GPR135: variants seen among roughly 807,000 people sequenced by gnomAD.
GPR135 encodes the protein G protein-coupled receptor 135, also known as G-protein coupled receptor 135.
Under a neutral mutation model 15.0 loss-of-function variants are expected in GPR135, and 17 were observed. That is an observed-to-expected ratio of 1.13 (90% CI 0.78 to 1.70). The LOEUF (loss-of-function observed/expected upper bound fraction) is 1.70. GPR135 is among the 40% of genes most tolerant of loss of function. The probability of loss-of-function intolerance (pLI) is 0.00; values close to 1 mark genes in which losing one functional copy is unlikely to be tolerated. For missense variants in GPR135, 776 were observed against 727.0 expected (o/e 1.07, Z -0.78); for synonymous variants, 368 against 349.4 (o/e 1.05, Z -0.59).
rs771776822 is a variant in GPR135, at chr14:59,464,403, G to T, written c.824C>A (p.Ala275Glu). The T allele has an allele frequency of 1.3e-6, 2 of 1,595,098 alleles. No homozygotes were observed. Among genetic ancestry groups the T allele is most frequent in the Non-Finnish European group, 1.7e-6 (2 of 1,172,026 alleles). Residue 275 changes from alanine to glutamate, a missense_variant, in exon 1 of 1, where the codon GCG becomes GAG. By Grantham distance (107) the Ala-to-Glu change is moderately radical. Coordinates refer to ENST00000395116, the MANE Select transcript of GPR135 (RefSeq NM_022571.6). Reference protein sequence around the residue: ...RTSPDPAQLGAAFSVGLVVAC... With the variant: ...RTSPDPAQLGEAFSVGLVVAC... ...CACCACCAGCCCCACGCTGAAGGCC[G>T]CGCCCAGCTGCGCGGGGTCCGGGGA...
chr14:59,455,407 C>A, intron 6 of GPR135, among the ~76,000 whole-genome samples: 1 of 152,196 alleles, frequency 6.6e-6, no homozygotes, highest in Non-Finnish European at 1.5e-5. Flanking sequence ...TCATTTTACA[C>A]TGAGACCTAG....
At position 59,462,706 on chromosome 14, in the gene GPR135, C is replaced by A. The variant is rs117351168; in HGVS notation, c.*1036G>T. On this transcript the variant is annotated 3_prime_UTR_variant, in exon 1 of 1. Transcript: ENST00000395116. ...TAGTTTTAGAATTTCTCTTTGGAAT[C>A]GTTTTCAGTTAGCTAAAAGCCACGT... 6.6e-6 allele frequency: 1 copy of A among 152,138 alleles called. No homozygotes were observed. Among genetic ancestry groups the A allele is most frequent in the East Asian group, 1.9e-4 (1 of 5,200 alleles). 9.4% of individuals were successfully genotyped at this position (152,138 alleles called of 1,614,324 possible). A position where few individuals can be genotyped will look rare whatever the true frequency, so the allele number is the denominator to read the frequency against.
chr14:59,459,708 A>G (rs761623476), downstream of GPR135, among the ~76,000 whole-genome samples: 2 of 152,240 alleles, frequency 1.3e-5, no homozygotes, highest in Non-Finnish European at 2.9e-5. Context: ...AAGTACAGGC[A>G]ATTCTTTTGA....
In GPR135 at chr14:59,465,098, G is replaced by A. The variant is rs938840006; in HGVS notation, c.129C>T (p.Ser43=). ...TSSAATAAVL[S]FSTVATAALG... ...GCGCCGCGGTCGCCACGGTGCTGAAGGAGAGCACGGCCGCCGTGGCCGCGG... is the reference window on the plus strand; with the variant it reads ...GCGCCGCGGTCGCCACGGTGCTGAAAGAGAGCACGGCCGCCGTGGCCGCGG... The change falls in exon 1 of 1, where the codon TCC becomes TCT. Residue 43 remains serine (S), a synonymous_variant. Transcript: ENST00000395116. The A allele has an allele frequency of 6.0e-5, 83 of 1,387,118 alleles. No individual in the cohort carries two copies. Among genetic ancestry groups the A allele is most frequent in the Non-Finnish European group, 7.4e-5 (79 of 1,070,396 alleles). The allele number at this position is 1,387,118 out of a possible 1,614,324, so 85.9% of individuals were successfully genotyped here.
In GPR135 at chr14:59,465,128, A is replaced by G; in HGVS notation, c.99T>C (p.Thr33=). 1.5e-6 allele frequency: 2 copies of G among 1,376,666 alleles called. No individual in the cohort carries two copies. Among genetic ancestry groups the G allele is most frequent in the Non-Finnish European group, 1.9e-6 (2 of 1,064,208 alleles). 85.3% of individuals were successfully genotyped at this position (1,376,666 alleles called of 1,614,324 possible). The change falls in exon 1 of 1, where the codon ACT becomes ACC. Residue 33 remains threonine, a synonymous_variant. Transcript: ENST00000395116. ...APSAAGPPGG[T]SSAATAAVLS... ...GCACGGCCGCCGTGGCCGCGGAGGA[A>G]GTCCCGCCAGGTGGGCCGGCCGCGG... is the stretch of plus-strand genomic sequence containing the variant.
chr14:59,456,104 C>T (rs1888644215), downstream of GPR135, among the ~76,000 whole-genome samples: 1 of 152,132 alleles, frequency 6.6e-6, no homozygotes, highest in Non-Finnish European at 1.5e-5. Context: ...ATCTTGCAAA[C>T]ATATGTCAAT....
In GPR135 at chr14:59,464,247, A is replaced by G; in HGVS notation, c.980T>C (p.Val327Ala). 1 of 1,611,798 alleles carries G rather than the reference A, an allele frequency of 6.2e-7. No homozygotes were observed. Among genetic ancestry groups the G allele is most frequent in the Non-Finnish European group, 8.5e-7 (1 of 1,179,894 alleles). Residue 327 changes from valine (V) to alanine (A), a missense_variant, in exon 1 of 1, where the codon GTG becomes GCG. Val to Ala is a moderately conservative substitution (Grantham distance 64, BLOSUM62 0). Transcript: ENST00000395116. ...GATGAGGACGGTGGTGGCCGTGCGC[A>G]CCTCGCTGAAGAAGCGCAGCACGCG... Reference protein sequence around the residue: ...YARVLRFFSEVRTATTVLIMI... With the variant: ...YARVLRFFSEARTATTVLIMI...
chr14:59,464,802 ATGAAGGCGTTGG>A lies in GPR135; in HGVS notation c.413_424del (p.Thr138_Phe141del). Reference sequence around the variant, plus strand: ...CAGATCCGATAGGGACAGCGACAGGATGAAGGCGTTGGTGACGGTGCGGAGCTGCCGGTGCTT... The same window carrying A: ...CAGATCCGATAGGGACAGCGACAGGATGACGGTGCGGAGCTGCCGGTGCTT... On this transcript the variant is annotated inframe_deletion, in exon 1 of 1. Coordinates refer to ENST00000395116, the MANE Select transcript of GPR135 (RefSeq NM_022571.6). 6.3e-7 allele frequency: 1 copy of A among 1,580,094 alleles called. No individual in the cohort carries two copies. Among genetic ancestry groups the A allele is most frequent in the Non-Finnish European group, 8.6e-7 (1 of 1,162,742 alleles).
rs1247438747 is a variant in GPR135, at chr14:59,463,966, C to G, written c.1261G>C (p.Gly421Arg). ...VDAFLPSQGP[G>R]LQARSRSRLR... is the part of the protein sequence containing the mutation. Reference sequence around the variant, plus strand: ...CGACTGCGGCTTCTGGCTTGCAGACCCGGGCCCTGGCTGGGCAGGAAAGCG... The same window carrying G: ...CGACTGCGGCTTCTGGCTTGCAGACGCGGGCCCTGGCTGGGCAGGAAAGCG... The change falls in exon 1 of 1, where the codon GGT (glycine) becomes CGT (arginine). Residue 421 changes from glycine to arginine, a missense_variant. Gly to Arg is a moderately radical substitution (Grantham distance 125). Transcript: ENST00000395116. 2.5e-6 allele frequency: 4 copies of G among 1,613,924 alleles called. No homozygotes were observed. The highest frequency in any genetic ancestry group is 3.4e-6 in the Non-Finnish European group (4 of 1,180,038).
At position 59,464,755 on chromosome 14, in the gene GPR135, G is replaced by T. The variant is rs1447639329; in HGVS notation, c.472C>A (p.Pro158Thr). 1 of 1,567,258 alleles carries T rather than the reference G, an allele frequency of 6.4e-7. No homozygotes were observed. The change falls in exon 1 of 1, where the codon CCC becomes ACC. Residue 158 changes from proline (P) to threonine (T), a missense_variant. Pro to Thr is a conservative substitution (Grantham distance 38). Transcript: ENST00000395116. ...GTGAAGAGGTCCAGGAAGGCGGCGG[G>T]CAGGCAGAGCAGCGCCGTGAGCAGA... Reference protein sequence around the residue: ...SDLLTALLCLPAAFLDLFTPP... With the variant: ...SDLLTALLCLTAAFLDLFTPP...
At chr14:59,453,275 A>G (rs1052429725) in intron 6 of GPR135, among the ~76,000 whole-genome samples, 3 of 152,192 alleles carry the variant, frequency 2.0e-5, no homozygotes, top group African/African-American at 7.2e-5. Context: ...GATTATAACA[A>G]ATGTACCTCT....
At chr14:59,453,410 C>G (rs1253127) in intron 6 of GPR135, among the ~76,000 whole-genome samples, 3,203 of 152,172 alleles carry the variant, frequency 0.021, 114 homozygotes, top group African/African-American at 0.073. Flanking sequence ...ATAAAGCCTA[C>G]TAAAAAAAAG....
At chr14:59,456,434 T>C (rs1206580256), downstream of GPR135, 1 of 152,230 alleles carries the variant, frequency 6.6e-6, no homozygotes, top group Non-Finnish European at 1.5e-5. Context: ...AATTCATGAC[T>C]TACCATTGGT....
At chr14:59,459,094 C>T (rs1255890719), downstream of GPR135, 3 of 152,134 alleles carry the variant, frequency 2.0e-5, no homozygotes, top group African/African-American at 7.2e-5. Context: ...AATGTTTCTG[C>T]ATTTTCTATA....
Position 59,464,059 on chromosome 14 carries a change from G to A in GPR135, c.1168C>T (p.Arg390Cys). 1 of 1,613,474 alleles carries A rather than the reference G, an allele frequency of 6.2e-7. No homozygotes were observed. Among genetic ancestry groups the A allele is most frequent in the Non-Finnish European group, 8.5e-7 (1 of 1,180,030 alleles). The change falls in exon 1 of 1, where the codon CGC (arginine) becomes TGC (cysteine). Residue 390 changes from arginine (R) to cysteine (C), a missense_variant. By Grantham distance (180) the Arg-to-Cys change is radical. Transcript: ENST00000395116. ...AGGAGCATCGAAATGTTGGGATTGC[G>A]GATGGCGTAGATGACAGGGTTGATG... is the stretch of plus-strand genomic sequence containing the variant. ...GAINPVIYAIRNPNISMLLGR... is the reference protein window; with the variant it reads ...GAINPVIYAICNPNISMLLGR...
rs931754586 is a variant in GPR135 at position 59,464,996 on chromosome 14, T to C, written c.231A>G (p.Ala77=). Residue 77 remains alanine, a synonymous_variant, in exon 1 of 1, where the codon GCA becomes GCG. Transcript: ENST00000395116. ...PGGGGLGGSG[A]AREAGAAVRR... ...TCACCGCCGCCCCCGCCTCCCGCGC[T>C]GCCCCGGACCCGCCAAGGCCGCCGC... 5 of 1,398,532 alleles carry C rather than the reference T, an allele frequency of 3.6e-6. No homozygotes were observed. Among genetic ancestry groups the C allele is most frequent in the Non-Finnish European group, 4.6e-6 (5 of 1,082,570 alleles). The allele number at this position is 1,398,532 out of a possible 1,614,324, so 86.6% of individuals were successfully genotyped here.
Position 59,464,736 on chromosome 14 carries a change from A to T in GPR135, c.491T>A (p.Leu164His). 6.4e-7 allele frequency: 1 copy of T among 1,566,070 alleles called. No individual in the cohort carries two copies. Among genetic ancestry groups the T allele is most frequent in the Non-Finnish European group, 8.6e-7 (1 of 1,156,458 alleles). Residue 164 changes from leucine (L) to histidine (H), a missense_variant, in exon 1 of 1, where the codon CTC becomes CAC. Transcript: ENST00000395116. ...LLCLPAAFLD[L>H]FTPPGGSAPA... ...CGCCGAACCCCCGGGCGGAGTGAAG[A>T]GGTCCAGGAAGGCGGCGGGCAGGCA...
Position 59,464,683 on chromosome 14 carries a change from CG to C in GPR135, c.543del (p.Gly182AlafsTer54). 8.9e-6 allele frequency: 14 copies of C among 1,581,424 alleles called. No homozygotes were observed. Among genetic ancestry groups the C allele is most frequent in the Non-Finnish European group, 1.2e-5 (14 of 1,169,138 alleles). On this transcript the variant is annotated frameshift_variant, in exon 1 of 1. Coordinates refer to ENST00000395116, the MANE Select transcript of GPR135 (RefSeq NM_022571.6). LOFTEE classifies it high-confidence loss of function. ...SAPAAAAGPW[R>X]GFCAASRFFS... The stretch of plus-strand genomic sequence containing the variant: ...AAGAAGCGGCTGGCGGCGCAGAAGC[CG>C]CGCCAGGGCCCCGCGGCGGCGGCAG...
rs375515475 is a variant in GPR135 at position 59,463,917 on chromosome 14, C to T, written c.1310G>A (p.Arg437Gln). ...GGACATCCTGTTGCAGGCCCCCAGC[C>T]GGTTGGCATAGCGGTTTCGAAGGCG... ...RSRLRNRYAN[R>Q]LGACNRMSSS... Residue 437 changes from arginine to glutamine, a missense_variant, in exon 1 of 1, where the codon CGG (arginine) becomes CAG (glutamine). By Grantham distance (43) the Arg-to-Gln change is conservative. Transcript: ENST00000395116. 1.0e-4 allele frequency: 168 copies of T among 1,613,916 alleles called. No homozygotes were observed. The highest frequency in any genetic ancestry group is 1.6e-4 in the Middle Eastern group (1 of 6,084).
Sources: gnomAD v4.1 joint callset for allele counts (sites outside exome capture counted in the v4.1 genomes callset) on GRCh38, gnomAD v4.1.1 for gene constraint, MANE v1.5 for transcripts, NCBI Gene and HGNC (gene_info 2026-07-23, HGNC 2026-07-21) for gene names.